TMPRSS13: variants seen among roughly 807,000 people sequenced by gnomAD.
The protein encoded by TMPRSS13 is transmembrane protease serine 13.
In TMPRSS13, 50 loss-of-function variants were observed where a neutral mutation model predicts 68.4. The ratio of observed to expected loss-of-function variants is 0.73; its 90% CI spans 0.58 to 0.93. The LOEUF is 0.93. Among genes scored for constraint, TMPRSS13 ranks in the 40% least tolerant of loss-of-function variants. The pLI is 0.00. For synonymous variants in TMPRSS13, 267 were observed against 285.8 expected (o/e 0.93, Z 0.66); for missense variants, 615 against 729.2 (o/e 0.84, Z 1.80).
chr11:117,918,797 T>C lies in TMPRSS13; in HGVS notation c.63A>G (p.Pro21=), dbSNP rs1443245877. The C allele has an allele frequency of 6.2e-7, 1 of 1,613,826 alleles. No homozygotes were observed. Among genetic ancestry groups the C allele is most frequent in the Admixed American group, 1.7e-5 (1 of 60,020 alleles). The change falls in exon 2 of 13, where the codon CCA becomes CCG. Residue 21 remains proline (P), a synonymous_variant. Coordinates refer to ENST00000524993, the MANE Select transcript of TMPRSS13 (RefSeq NM_001077263.3). ...PARTPSAGAS[P]AQASPAGTPP... is the part of the protein sequence containing the mutation. ...GTGTCCCAGCTGGAGATGCCTGGGC[T>C]GGAGATGCTCCAGCTGAAGGTGTTC... is the stretch of plus-strand genomic sequence containing the variant.
At chr11:117,927,429 C>G (rs1023495971) in intron 1 of TMPRSS13, among the ~76,000 whole-genome samples, 1 of 152,160 alleles carries the variant, frequency 6.6e-6, no homozygotes, top group African/African-American at 2.4e-5. Context: ...GGAACATGGT[C>G]AGTTCTCTGT....
chr11:117,922,549 C>T lies in TMPRSS13; in HGVS notation c.22-3711G>A, dbSNP rs2134922259. Among the ~76,000 whole-genome samples, 1 of 152,332 alleles carries T rather than the reference C, an allele frequency of 6.6e-6. No individual in the cohort carries two copies. Among genetic ancestry groups the T allele is most frequent in the Non-Finnish European group, 1.5e-5 (1 of 68,034 alleles). ...AGCCGAGACTTCTTATCCAAGGTCC[C>T]AAGCTACAAGGGGCAGAACCAGGAC... On this transcript the variant is annotated intron_variant, in intron 1 of 12. Transcript: ENST00000524993. The surrounding 1 kb of genome is among the most constrained non-coding windows in gnomAD (Gnocchi z 4.2).
chr11:117,926,043 A>G (rs796280645), intron 1 of TMPRSS13, among the ~76,000 whole-genome samples: 1,275 of 93,990 alleles, frequency 0.014, no homozygotes, highest in Middle Eastern at 0.043. Flanking sequence ...GACGAGGTGA[A>G]GGCTGCACAC....
rs976780526 is a variant in TMPRSS13 at position 117,914,575 on chromosome 11, C to T, written c.557-61G>A. ...AGCCCCACTGAGATGAGACACTGAG[C>T]AGCCCAAGGACCTGGGGGTTCTGAG... is the stretch of plus-strand genomic sequence containing the variant. On this transcript the variant is annotated intron_variant, in intron 3 of 12. Transcript: ENST00000524993. This position sits in a 1 kb window ranked among gnomAD's most constrained non-coding sequence, Gnocchi z 4.2. 5 of 1,604,674 alleles carry T rather than the reference C, an allele frequency of 3.1e-6. No individual in the cohort carries two copies. Among genetic ancestry groups the T allele is most frequent in the Non-Finnish European group, 4.2e-6 (5 of 1,177,666 alleles).
intron 1 of TMPRSS13, 138 bp downstream of exon 1, chr11:117,929,149 T>C: frequency 9.7e-6 from 6 of 619,472 alleles, no homozygotes; most frequent in Admixed American, 7.9e-5. Context: ...TGATCGTAAG[T>C]AGCTTCAAAC....
chr11:117,903,855 G>A (rs1266056520), intron 11 of TMPRSS13, 48 bp from the exon 12 acceptor site: 5 of 1,600,234 alleles, frequency 3.1e-6, no homozygotes, highest in Non-Finnish European at 4.3e-6. Context: ...GGTGGTCCAT[G>A]AGCGGGAAAG....
rs576900931 is a variant in TMPRSS13 at position 117,915,411 on chromosome 11, C to G, written c.557-897G>C. On this transcript the variant is annotated intron_variant, in intron 3 of 12. Coordinates refer to ENST00000524993, the MANE Select transcript of TMPRSS13 (RefSeq NM_001077263.3). This position sits in a 1 kb window ranked among gnomAD's most constrained non-coding sequence, Gnocchi z 4.9. Reference sequence around the variant, plus strand: ...TCCATCACCCAGGGTAAAGGCCGCCCGGGTGTGACTGCTCCTTCCAGGTCC... The same window carrying G: ...TCCATCACCCAGGGTAAAGGCCGCCGGGGTGTGACTGCTCCTTCCAGGTCC... Among the ~76,000 whole-genome samples the G allele has an allele frequency of 6.6e-6, 1 of 152,210 alleles. No homozygotes were observed. Among genetic ancestry groups the G allele is most frequent in the Non-Finnish European group, 1.5e-5 (1 of 68,030 alleles).
chr11:117,918,286 C>G (rs2057598932), intron 2 of TMPRSS13, 123 bp downstream of exon 2: 3 of 1,230,672 alleles, frequency 2.4e-6, no homozygotes, highest in Admixed American at 2.5e-5. Flanking sequence ...CTTCCCACCC[C>G]CCTACCTCCC....
chr11:117,914,013 C>G lies in TMPRSS13; in HGVS notation c.680-107G>C. 7.4e-7 allele frequency: 1 copy of G among 1,348,552 alleles called. No homozygotes were observed. Among genetic ancestry groups the G allele is most frequent in the Non-Finnish European group, 1.0e-6 (1 of 985,230 alleles). 83.5% of individuals were successfully genotyped at this position (1,348,552 alleles called of 1,614,324 possible). Reference sequence around the variant, plus strand: ...TGAGAAAGCGCTTGTCCTGACAGCACTCCTTGCTGAGGCCTGGGAAAAGTC... The same window carrying G: ...TGAGAAAGCGCTTGTCCTGACAGCAGTCCTTGCTGAGGCCTGGGAAAAGTC... On this transcript the variant is annotated intron_variant, in intron 4 of 12. Transcript: ENST00000524993. The surrounding 1 kb of genome is among the most constrained non-coding windows in gnomAD (Gnocchi z 4.2).
intron 1 of TMPRSS13, among the ~76,000 whole-genome samples, chr11:117,924,915 G>T (rs1372647443): frequency 6.6e-6 from 1 of 152,136 alleles, no homozygotes; most frequent in Non-Finnish European, 1.5e-5. Context: ...CCTTGAGGCA[G>T]ACTGAACTCT....
At chr11:117,907,143 T>C (rs995981940) in intron 9 of TMPRSS13, among the ~76,000 whole-genome samples, 2 of 152,094 alleles carry the variant, frequency 1.3e-5, no homozygotes, top group Non-Finnish European at 2.9e-5. Context: ...GAGGTAAGAT[T>C]TGGATGTTTA....
chr11:117,905,709 A>G lies in TMPRSS13; in HGVS notation c.1310T>C (p.Met437Thr). The change falls in exon 10 of 13, where the codon ATG becomes ACG. Residue 437 changes from methionine to threonine, a missense_variant. Physicochemically the swap from Met to Thr is moderately conservative, Grantham distance 81. Transcript: ENST00000524993. ...ATTGAGGCTAAAGGTCTGTCCATGC[A>G]TGGGGAGGCAAGCAGGGTGGATGTG... ...SAHIHPACLP[M>T]HGQTFSLNET... The G allele has an allele frequency of 6.2e-7, 1 of 1,604,084 alleles. No homozygotes were observed. The highest frequency in any genetic ancestry group is 8.5e-7 in the Non-Finnish European group (1 of 1,174,086).
intron 12 of TMPRSS13, chr11:117,903,243 C>A: frequency 1.5e-6 from 2 of 1,312,978 alleles, no homozygotes; most frequent in East Asian, 2.6e-5. Flanking sequence ...ATCAAAAAGA[C>A]TAAAACAAAC....
intron 1 of TMPRSS13, among the ~76,000 whole-genome samples, chr11:117,924,698 C>CT (rs1201850589): frequency 1.3e-5 from 2 of 152,094 alleles, no homozygotes; most frequent in Non-Finnish European, 2.9e-5. Flanking sequence ...GACTGGGTGA[C>CT]TTTTTTCCCT....
At chr11:117,917,113 G>C in intron 3 of TMPRSS13, 57 bp downstream of exon 3, 1 of 1,445,318 alleles carries the variant, frequency 6.9e-7, no homozygotes, top group Non-Finnish European at 9.6e-7. Context: ...CCATCCCTGG[G>C]TCCCACTCTG....
At chr11:117,909,537 A>AGGCTCCCAGTCCCTCTTCCTGCCT (rs1341449337) in intron 8 of TMPRSS13, among the ~76,000 whole-genome samples, 1 of 152,236 alleles carries the variant, frequency 6.6e-6, no homozygotes, top group African/African-American at 2.4e-5. Flanking sequence ...CTTCAGGGGC[A>AGGCTCCCAGTCCCTCTTCCTGCCT]GGCTCCCAGT....
chr11:117,926,907 T>C (rs2057713078), intron 1 of TMPRSS13, among the ~76,000 whole-genome samples: 1 of 152,250 alleles, frequency 6.6e-6, no homozygotes, highest in Admixed American at 6.5e-5. Flanking sequence ...CCAGATGCTA[T>C]TCTAAATGAG....
chr11:117,918,060 G>A (rs959664117), intron 2 of TMPRSS13, among the ~76,000 whole-genome samples: 8 of 152,090 alleles, frequency 5.3e-5, no homozygotes, highest in African/African-American at 1.9e-4. Context: ...AGCTTCTTAG[G>A]CAGACCCACA....
intron 1 of TMPRSS13, among the ~76,000 whole-genome samples, chr11:117,919,583 C>T (rs1591628800): frequency 6.6e-6 from 1 of 152,262 alleles, no homozygotes; most frequent in South Asian, 2.1e-4. Flanking sequence ...CTCTTTTGTG[C>T]ACACTCTAAG....
Sources: gnomAD v4.1 joint callset for allele counts (sites outside exome capture counted in the v4.1 genomes callset) on GRCh38, gnomAD v4.1.1 for gene constraint, Gnocchi (gnomAD v3.1) non-coding constraint, MANE v1.5 for transcripts, NCBI Gene and HGNC (gene_info 2026-07-23, HGNC 2026-07-21) for gene names.